Variants in RASGRP3 observed in about 807,000 individuals in gnomAD.
RASGRP3 encodes the protein ras guanyl-releasing protein 3.
In RASGRP3, 54 loss-of-function variants were observed where a neutral mutation model predicts 82.7. That is an observed-to-expected ratio of 0.65 (90% confidence interval 0.52 to 0.82). The LOEUF (loss-of-function observed/expected upper bound fraction) is 0.82, where lower values mean the gene tolerates loss of function less well. Ranked by LOEUF, RASGRP3 falls within the 40% of genes least tolerant of loss-of-function variation. RASGRP3 has a pLI of 0.00. For synonymous variants in RASGRP3, 309 were observed against 300.5 expected, an observed-to-expected ratio of 1.03 and a Z score of -0.29; for missense variants, 861 against 828.9, an observed-to-expected ratio of 1.04 and a Z score of -0.48.
intron 1 of RASGRP3, among the ~76,000 whole-genome samples, chr2:33,437,508 G>T (rs1260476324): frequency 6.6e-6 from 1 of 152,228 alleles, no homozygotes; most frequent in Admixed American, 6.5e-5. Context: ...GGTTCTGGTG[G>T]ATTATTGAAA....
In RASGRP3 at chr2:33,524,375, A is replaced by C. The variant is rs573788570; in HGVS notation, c.691-57A>C. On this transcript the variant is annotated intron_variant, in intron 8 of 17. Transcript: ENST00000403687. ...TTGTGCATAAATTTACTTGTAATTC[A>C]GAAAGTTTAGAATAATTTGAAAATC... 95 of 1,165,774 alleles carry C rather than the reference A, an allele frequency of 8.1e-5. 1 individual carries two copies. Among genetic ancestry groups the C allele is most frequent in the Non-Finnish European group, 1.1e-4 (87 of 820,214 alleles). 72.2% of individuals were successfully genotyped at this position (1,165,774 alleles called of 1,614,324 possible).
intron 17 of RASGRP3, among the ~76,000 whole-genome samples, chr2:33,560,974 G>C (rs965602730): frequency 3.3e-5 from 5 of 151,904 alleles, no homozygotes; most frequent in Non-Finnish European, 7.4e-5. Flanking sequence ...ACAAGTATCT[G>C]GGTTTTTAAA....
At chr2:33,556,231 C>CTTTTTTTTTTTTTTTTTTTTTTTTT (rs573022728) in intron 15 of RASGRP3, among the ~76,000 whole-genome samples, 7 of 57,498 alleles carry the variant, frequency 1.2e-4, no homozygotes, top group Admixed American at 2.3e-4. Flanking sequence ...TTCTAATAAT[C>CTTTTTTTTTTTTTTTTTTTTTTTTT]TTTTTTTTTT....
chr2:33,456,942 C>G (rs991724865), intron 2 of RASGRP3, among the ~76,000 whole-genome samples: 1 of 134,016 alleles, frequency 7.5e-6, no homozygotes, highest in African/African-American at 2.9e-5. Flanking sequence ...CTGGCTCTGT[C>G]ACCTAGGCTG....
intron 12 of RASGRP3, chr2:33,539,545 T>C (rs1383666094): frequency 6.9e-6 from 1 of 145,056 alleles, no homozygotes; most frequent in Non-Finnish European, 1.5e-5. Context: ...CCCACTAAGA[T>C]GCCCAATAAA....
At chr2:33,560,034 T>TAAC (rs1676472970) in intron 17 of RASGRP3, among the ~76,000 whole-genome samples, 1 of 152,230 alleles carries the variant, frequency 6.6e-6, no homozygotes, top group African/African-American at 2.4e-5. Flanking sequence ...TTTGTTTCTA[T>TAAC]AACATCCACT....
intron 9 of RASGRP3, 82 bp from the exon 10 acceptor site, chr2:33,527,055 T>C (rs964373679): frequency 2.1e-6 from 3 of 1,424,192 alleles, no homozygotes; most frequent in Admixed American, 2.1e-5. Context: ...AGCTGAGGAA[T>C]TTCCTAGCCA....
chr2:33,438,466 G>T (rs562650368), intron 1 of RASGRP3, among the ~76,000 whole-genome samples: 2 of 152,058 alleles, frequency 1.3e-5, no homozygotes, highest in African/African-American at 4.8e-5. Flanking sequence ...GGAGGCTGAG[G>T]CAGAAGAATC....
chr2:33,484,395 T>G (rs960135652), intron 1 of RASGRP3, among the ~76,000 whole-genome samples: 1 of 152,234 alleles, frequency 6.6e-6, no homozygotes, highest in Non-Finnish European at 1.5e-5. Context: ...TCTGGAAAAC[T>G]CATACCATGA....
intron 1 of RASGRP3, among the ~76,000 whole-genome samples, chr2:33,445,167 A>C (rs1157321116): frequency 6.6e-6 from 1 of 152,248 alleles, no homozygotes; most frequent in Non-Finnish European, 1.5e-5. Flanking sequence ...AGCTGGTGTG[A>C]TAAAGATAGC....
At position 33,563,126 on chromosome 2, in the gene RASGRP3, A is replaced by AAACT. The variant is rs1553368816; in HGVS notation, c.*390_*393dup. ...GAGACTATCCTTTCAATATTTTTATAAACTTTTGTGTGTGCTGTGGCAGGG... is the reference window on the plus strand; with the variant it reads ...GAGACTATCCTTTCAATATTTTTATAAACTAACTTTTGTGTGTGCTGTGGCAGGG... On this transcript the variant is annotated 3_prime_UTR_variant, in exon 18 of 18. Transcript: ENST00000403687. 9.7e-6 allele frequency: 2 copies of AAACT among 206,628 alleles called. No homozygotes were observed. Among genetic ancestry groups the AAACT allele is most frequent in the African/African-American group, 4.6e-5 (2 of 43,486 alleles). 12.8% of individuals were successfully genotyped at this position (206,628 alleles called of 1,614,324 possible). A position where few individuals can be genotyped will look rare whatever the true frequency, so the allele number is the denominator to read the frequency against.
intron 1 of RASGRP3, among the ~76,000 whole-genome samples, chr2:33,483,918 A>ATG (rs1668150763): frequency 1.3e-5 from 2 of 152,170 alleles, no homozygotes; most frequent in Non-Finnish European, 2.9e-5. Context: ...TAGAGACCTT[A>ATG]ATAGTTAATG....
intron 2 of RASGRP3, among the ~76,000 whole-genome samples, chr2:33,461,440 G>A (rs1420766219): frequency 1.3e-5 from 2 of 152,178 alleles, no homozygotes; most frequent in Admixed American, 1.3e-4. Flanking sequence ...ACGACACTCA[G>A]CTAATTTTTG....
At chr2:33,508,033 T>C (rs1670556961) in intron 1 of RASGRP3, among the ~76,000 whole-genome samples, 1 of 152,124 alleles carries the variant, frequency 6.6e-6, no homozygotes, top group South Asian at 2.1e-4. Context: ...TTCAGAAAGA[T>C]TTACTGATCC....
At chr2:33,535,712 G>A (rs1673540046) in intron 11 of RASGRP3, among the ~76,000 whole-genome samples, 1 of 152,224 alleles carries the variant, frequency 6.6e-6, no homozygotes, top group African/African-American at 2.4e-5. Context: ...ACAGAGCCAC[G>A]TGGGATGATA....
chr2:33,460,405 TATCTC>T (rs1451621015), intron 2 of RASGRP3, among the ~76,000 whole-genome samples: 2 of 152,204 alleles, frequency 1.3e-5, no homozygotes, highest in African/African-American at 4.8e-5. Flanking sequence ...AGATGTGTGT[TATCTC>T]AGTGAAATGA....
intron 1 of RASGRP3, among the ~76,000 whole-genome samples, chr2:33,440,329 C>A (rs925457787): frequency 3.3e-4 from 51 of 152,290 alleles, no homozygotes; most frequent in Non-Finnish European, 5.9e-5. Flanking sequence ...CCATTGCCAG[C>A]CACATTTTGT....
intron 2 of RASGRP3, among the ~76,000 whole-genome samples, chr2:33,455,589 C>G (rs539444795): frequency 6.6e-6 from 1 of 152,342 alleles, no homozygotes; most frequent in East Asian, 1.9e-4. Flanking sequence ...TCGATGGAGA[C>G]TGGGAAAGTG....
At chr2:33,460,407 T>C (rs1261666038) in intron 2 of RASGRP3, among the ~76,000 whole-genome samples, 1 of 152,194 alleles carries the variant, frequency 6.6e-6, no homozygotes, top group Non-Finnish European at 1.5e-5. Context: ...ATGTGTGTTA[T>C]CTCAGTGAAA....
Sources: gnomAD v4.1 joint callset for allele counts (sites outside exome capture counted in the v4.1 genomes callset) on GRCh38, gnomAD v4.1.1 for gene constraint, MANE v1.5 for transcripts, NCBI Gene and HGNC (gene_info 2026-07-23, HGNC 2026-07-21) for gene names.